Variants in DMXL2 observed in about 807,000 individuals in gnomAD.
DMXL2 encodes the protein Dmx like 2, also known as dmX-like protein 2.
In DMXL2, 103 loss-of-function variants were observed where a neutral mutation model predicts 331.1. That is an observed-to-expected ratio of 0.31 (90% CI 0.27 to 0.37). DMXL2 has a LOEUF of 0.37. Among genes scored for constraint, DMXL2 ranks in the 10% least tolerant of loss-of-function variants. The pLI, the probability that DMXL2 is intolerant of heterozygous loss-of-function variation, is 1.00. For missense variants in DMXL2, 3,171 were observed against 3,642.9 expected, an observed-to-expected ratio of 0.87 and a Z score of 3.33; for synonymous variants, 1,281 against 1,252.1, an observed-to-expected ratio of 1.02 and a Z score of -0.49.
At chr15:51,515,567 A>G (rs189431325) in intron 14 of DMXL2, among the ~76,000 whole-genome samples, 145 of 152,330 alleles carry the variant, frequency 9.5e-4, no homozygotes, top group African/African-American at 3.4e-3. Context: ...ACAATAGATG[A>G]AAGTAAAGAG....
chr15:51,449,806 G>C (rs534349554), intron 43 of DMXL2, among the ~76,000 whole-genome samples: 1 of 152,200 alleles, frequency 6.6e-6, no homozygotes, highest in South Asian at 2.1e-4. Context: ...GAGTACTGAG[G>C]GAGAGGGGAG....
chr15:51,519,898 C>G (rs142446834), intron 13 of DMXL2, among the ~76,000 whole-genome samples: 3,245 of 152,260 alleles, frequency 0.021, 56 homozygotes, highest in Middle Eastern at 0.034. Context: ...CTGCCTCGGC[C>G]TCCCAAAATG....
intron 13 of DMXL2, among the ~76,000 whole-genome samples, chr15:51,525,734 A>G (rs6493502): frequency 0.75 from 114,418 of 151,904 alleles, 43,561 homozygotes; most frequent in African/African-American, 0.83. Flanking sequence ...AGAGAAGGGT[A>G]GGAGGGACTG....
rs753122939 is a variant in DMXL2, at chr15:51,466,243, T to A, written c.7461A>T (p.Glu2487Asp). The A allele has an allele frequency of 2.5e-6, 4 of 1,577,646 alleles. No individual in the cohort carries two copies. Among genetic ancestry groups the A allele is most frequent in the Non-Finnish European group, 3.4e-6 (4 of 1,164,976 alleles). ...GTGTATCTGAAAAAAAGGCATCATC[T>A]TCTTCATCACTATGAATGCTTTCAT... ...DSDESIHSDE[E>D]DDAFFSDTQI... is the part of the protein sequence containing the mutation. The change falls in exon 30 of 44, where the codon GAA becomes GAT. Residue 2487 changes from glutamate to aspartate, a missense_variant. Glu to Asp is a conservative substitution (Grantham distance 45, BLOSUM62 2). Around this residue, in one of 7 missense-constraint regions of DMXL2, gnomAD observed 766 missense variants for 940.5 expected, o/e 0.81. Coordinates refer to ENST00000560891, the MANE Select transcript of DMXL2 (RefSeq NM_001378457.1).
At chr15:51,516,026 T>C (rs2047018158) in intron 14 of DMXL2, among the ~76,000 whole-genome samples, 1 of 152,182 alleles carries the variant, frequency 6.6e-6, no homozygotes, top group Admixed American at 6.5e-5. Context: ...TGATGTATTT[T>C]ATCTATATTA....
intron 13 of DMXL2, among the ~76,000 whole-genome samples, chr15:51,528,532 G>A (rs893552856): frequency 6.6e-6 from 1 of 151,988 alleles, no homozygotes; most frequent in Middle Eastern, 3.2e-3. Flanking sequence ...GACAAAGAAG[G>A]TCACTATATA....
chr15:51,449,840 T>A (rs1026559087), intron 43 of DMXL2, among the ~76,000 whole-genome samples: 1 of 152,018 alleles, frequency 6.6e-6, no homozygotes, highest in Admixed American at 6.6e-5. Context: ...GCCAAACTAA[T>A]GTCATCAAAA....
Position 51,465,666 on chromosome 15 carries a change from G to T in DMXL2, c.7521-15C>A, listed in dbSNP as rs751904178. The T allele has an allele frequency of 4.6e-6, 7 of 1,533,300 alleles. No homozygotes were observed. Among genetic ancestry groups the T allele is most frequent in the Non-Finnish European group, 6.2e-6 (7 of 1,130,054 alleles). 95.0% of individuals were successfully genotyped at this position (1,533,300 alleles called of 1,614,324 possible). On this transcript the variant is annotated splice_polypyrimidine_tract_variant and intron_variant, in intron 30 of 43. Transcript: ENST00000560891. ...GAAGAGCCCAGCTGTTCAAGGAGGG[G>T]CAAAAAGAGTCTTTAAGTGAAAAAT...
At chr15:51,622,105 T>G (rs1159461341) in intron 1 of DMXL2, among the ~76,000 whole-genome samples, 2 of 151,712 alleles carry the variant, frequency 1.3e-5, no homozygotes, top group East Asian at 3.9e-4. Flanking sequence ...CGAGAGCAGC[T>G]GCGAAACGGA....
rs183650550 is a variant in DMXL2 at position 51,605,636 on chromosome 15, C to T, written c.87+16823G>A. 1.3e-3 allele frequency among the ~76,000 whole-genome samples: 102 copies of T among 76,844 alleles called. 20 individuals carry two copies. Among genetic ancestry groups the T allele is most frequent in the African/African-American group, 3.9e-3 (94 of 24,146 alleles). 50.4% of individuals were successfully genotyped at this position (76,844 alleles called of 152,430 possible). On this transcript the variant is annotated intron_variant, in intron 1 of 43. Coordinates refer to ENST00000560891, the MANE Select transcript of DMXL2 (RefSeq NM_001378457.1). ...TCGGCTCACTGCAAGCTCCGCTTCC[C>T]GGGTTCACGCCATTCTCCCGCCTCA...
At chr15:51,480,210 T>C (rs1297225821) in intron 24 of DMXL2, 71 bp from the exon 25 acceptor site, 4 of 1,366,290 alleles carry the variant, frequency 2.9e-6, no homozygotes, top group Non-Finnish European at 3.0e-6. Flanking sequence ...ACAGAAATAC[T>C]GGTGATAAAC....
chr15:51,452,394 T>C (rs1252923655), intron 41 of DMXL2, among the ~76,000 whole-genome samples: 1 of 151,966 alleles, frequency 6.6e-6, no homozygotes, highest in Non-Finnish European at 1.5e-5. Flanking sequence ...ATCTAGAATC[T>C]ACAAGGAACT....
At chr15:51,600,945 C>A (rs2053183328) in intron 1 of DMXL2, among the ~76,000 whole-genome samples, 1 of 152,104 alleles carries the variant, frequency 6.6e-6, no homozygotes, top group South Asian at 2.1e-4. Flanking sequence ...CAGTTAACAG[C>A]CACTCTCCAG....
intron 8 of DMXL2, among the ~76,000 whole-genome samples, chr15:51,544,467 T>TA (rs1442210249): frequency 6.6e-6 from 1 of 152,170 alleles, no homozygotes; most frequent in Non-Finnish European, 1.5e-5. Flanking sequence ...ATGAGCCAAT[T>TA]AAACCTCTTT....
chr15:51,479,904 T>C (rs748971588), intron 25 of DMXL2, 44 bp downstream of exon 25: 1 of 1,367,166 alleles, frequency 7.3e-7, no homozygotes, highest in South Asian at 1.9e-5. Context: ...CATATTTACC[T>C]TCTCAGGGTG....
chr15:51,524,710 C>T (rs142565212), intron 13 of DMXL2, among the ~76,000 whole-genome samples: 1 of 152,228 alleles, frequency 6.6e-6, no homozygotes, highest in Non-Finnish European at 1.5e-5. Flanking sequence ...GAGCCCTACC[C>T]AGAGGGGAAT....
intron 29 of DMXL2, among the ~76,000 whole-genome samples, chr15:51,470,204 T>C (rs1272304307): frequency 6.6e-6 from 1 of 152,114 alleles, no homozygotes; most frequent in East Asian, 1.9e-4. Context: ...GGCACAATCA[T>C]GGCTCACTGC....
At chr15:51,554,910 C>G (rs143303202) in intron 6 of DMXL2, among the ~76,000 whole-genome samples, 3 of 152,182 alleles carry the variant, frequency 2.0e-5, no homozygotes, top group Non-Finnish European at 4.4e-5. Context: ...ATAATCCCAG[C>G]ACTTTGGGAG....
intron 13 of DMXL2, among the ~76,000 whole-genome samples, chr15:51,530,537 G>A (rs1489889509): frequency 6.6e-6 from 1 of 151,494 alleles, no homozygotes; most frequent in Non-Finnish European, 1.5e-5. Context: ...AGATCACGAG[G>A]TCAGGAGATC....
Sources: gnomAD v4.1 joint callset for allele counts (sites outside exome capture counted in the v4.1 genomes callset) on GRCh38, gnomAD v4.1.1 for gene constraint, gnomAD v4.1.1 regional missense constraint, MANE v1.5 for transcripts, NCBI Gene and HGNC (gene_info 2026-07-23, HGNC 2026-07-21) for gene names.